The following TUBB8 variants were observed in gnomAD, a reference collection of about 807,000 sequenced individuals.
TUBB8 encodes tubulin beta 8 class VIII.
A neutral mutation model predicts 33.7 loss-of-function variants in TUBB8; 25 were observed. The ratio of observed to expected loss-of-function variants is 0.74; its 90% CI spans 0.54 to 1.04. The LOEUF is 1.04. Ranked by LOEUF, TUBB8 falls within the 50% of genes least tolerant of loss-of-function variation. The pLI is 0.00. For synonymous variants in TUBB8, 245 were observed against 240.1 expected (o/e 1.02, Z -0.19); for missense variants, 279 against 608.0 (o/e 0.46, Z 5.69).
upstream of TUBB8, chr10:49,592 G>T (rs111792761): frequency 2.9e-5 from 15 of 524,584 alleles, no homozygotes; most frequent in South Asian, 3.1e-5. Context: ...GTTTCCATAT[G>T]CACGGAGTGC....
chr10:49,142 G>C, intron 1 of TUBB8, 40 bp downstream of exon 1: 4 of 1,546,624 alleles, frequency 2.6e-6, no homozygotes, highest in Non-Finnish European at 3.5e-6. Context: ...CCGGCCACCC[G>C]GCAGGCCCGG....
intron 1 of TUBB8, among the ~76,000 whole-genome samples, chr10:60,380 G>T (rs1255355475): frequency 7.4e-6 from 1 of 135,526 alleles, no homozygotes; most frequent in Admixed American, 7.6e-5. Flanking sequence ...AAATTTACAA[G>T]AAAAAAACAA....
In TUBB8 at chr10:62,845, AGTCTGCT is replaced by A. The variant is rs1312331930; in HGVS notation, c.-846+11117_-846+11123del. 3.3e-5 allele frequency among the ~76,000 whole-genome samples: 5 copies of A among 152,310 alleles called. No homozygotes were observed. The East Asian group carries it at 7.7e-4, about 24-fold the overall frequency. On this transcript the variant is annotated intron_variant, in intron 1 of 3. Coordinates refer to the TUBB8 transcript ENST00000564130. ...TCAGCCTGTAAATTTTCCCCTGAAA[AGTCTGCT>A]GTCAGATGTATTGGAGTTCCACTGA... is the stretch of plus-strand genomic sequence containing the variant.
chr10:65,335 C>T (rs1663730770), intron 1 of TUBB8, among the ~76,000 whole-genome samples: 1 of 152,238 alleles, frequency 6.6e-6, no homozygotes, highest in African/African-American at 2.4e-5. Context: ...AACCCATACC[C>T]AATCCCATCC....
chr10:46,777 T>C, downstream of TUBB8: 1 of 415,902 alleles, frequency 2.4e-6, no homozygotes, highest in Non-Finnish European at 4.4e-6. Context: ...GCCACTGGAA[T>C]GCTTGTTCCT....
chr10:65,065 T>G (rs1393850018), intron 1 of TUBB8, among the ~76,000 whole-genome samples: 6 of 151,962 alleles, frequency 3.9e-5, no homozygotes, highest in African/African-American at 1.4e-4. Context: ...TAAAAATCAT[T>G]TGAACCCAGG....
chr10:52,424 G>T (rs1834480205), upstream of TUBB8, among the ~76,000 whole-genome samples: 1 of 152,180 alleles, frequency 6.6e-6, no homozygotes. Context: ...AAAATTTGAG[G>T]TGAGTCAGAG....
At chr10:67,902 TG>T (rs1202937201) in intron 1 of TUBB8, among the ~76,000 whole-genome samples, 5 of 152,228 alleles carry the variant, frequency 3.3e-5, no homozygotes, top group African/African-American at 1.2e-4. Flanking sequence ...CTAGAGTAAC[TG>T]GAACTACATA....
At chr10:61,618 G>C (rs1288985990) in intron 1 of TUBB8, among the ~76,000 whole-genome samples, 1 of 152,220 alleles carries the variant, frequency 6.6e-6, no homozygotes, top group African/African-American at 2.4e-5. Context: ...AGGTTCATTT[G>C]TTATACAGTG....
At chr10:50,524 G>A (rs1278298100), upstream of TUBB8, among the ~76,000 whole-genome samples, 2 of 152,060 alleles carry the variant, frequency 1.3e-5, no homozygotes, top group Non-Finnish European at 2.9e-5. Flanking sequence ...CCTTTTACAT[G>A]GTCAGTCTCT....
intron 1 of TUBB8, among the ~76,000 whole-genome samples, chr10:56,785 T>C (rs1184579815): frequency 5.3e-5 from 8 of 152,160 alleles, no homozygotes; most frequent in Non-Finnish European, 1.0e-4. Context: ...AACTATATCA[T>C]TTTGCCCCTG....
chr10:47,201 C>T lies in TUBB8; in HGVS notation c.1191G>A (p.Trp397Ter). 1.2e-6 allele frequency: 2 copies of T among 1,612,684 alleles called. No homozygotes were observed. The highest frequency in any genetic ancestry group is 8.5e-7 in the Non-Finnish European group (1 of 1,179,714). Reference sequence around the variant, plus strand: ...TCTCATCCATGCCCTCGCCCGTGTACCAGTGGAGGAAGGCCTTGCGCCTGA... The same window carrying T: ...TCTCATCCATGCCCTCGCCCGTGTATCAGTGGAGGAAGGCCTTGCGCCTGA... Reference protein sequence around the residue: ...AMFRRKAFLHWYTGEGMDEME... With the variant: ...AMFRRKAFLH The change falls in exon 4 of 4, where the codon TGG (tryptophan) becomes TGA (stop). Residue 397 changes from tryptophan (W) to a stop codon, truncating the protein, a stop_gained. Transcript: ENST00000568584. LOFTEE classifies it high-confidence loss of function.
intron 1 of TUBB8, among the ~76,000 whole-genome samples, chr10:62,258 G>A (rs1554740983): frequency 1.3e-5 from 2 of 152,050 alleles, no homozygotes; most frequent in African/African-American, 4.8e-5. Flanking sequence ...GTACATCTGT[G>A]GTATGCTTTT....
rs1554737946 is a variant in TUBB8 at position 47,067 on chromosome 10, T to A, written c.1325A>T (p.Glu442Val). Residue 442 changes from glutamate (E) to valine (V), a missense_variant, in exon 4 of 4, where the codon GAG (glutamate) becomes GTG (valine). By Grantham distance (121) the Glu-to-Val change is moderately radical (BLOSUM62 -2). This residue lies in a region of TUBB8 where 123 missense variants were observed against 228.9 expected (regional missense o/e 0.54). Coordinates refer to ENST00000568584, the MANE Select transcript of TUBB8 (RefSeq NM_177987.3). ...TAGAAAAGGAGAGTTCTAGGCCACC[T>A]CCTCCTCGGCATACTCCTCATCCTC... ...EEEDEEYAEE[E>V]VA The A allele has an allele frequency of 8.6e-7, 1 of 1,157,396 alleles. No homozygotes were observed. The highest frequency in any genetic ancestry group is 1.3e-6 in the Non-Finnish European group (1 of 786,410). 71.7% of individuals were successfully genotyped at this position (1,157,396 alleles called of 1,614,324 possible).
intron 1 of TUBB8, among the ~76,000 whole-genome samples, chr10:58,679 T>G (rs1554740477): frequency 6.6e-6 from 1 of 152,194 alleles, no homozygotes; most frequent in African/African-American, 2.4e-5. Flanking sequence ...ACTCACTCAC[T>G]ATCATGAAGA....
chr10:73,014 T>G (rs1346084005), intron 1 of TUBB8, among the ~76,000 whole-genome samples: 1 of 152,218 alleles, frequency 6.6e-6, no homozygotes, highest in Non-Finnish European at 1.5e-5. Context: ...TTCAATTAAT[T>G]TTATGGTATC....
At chr10:56,991 G>C (rs1447040351) in intron 1 of TUBB8, among the ~76,000 whole-genome samples, 1 of 152,102 alleles carries the variant, frequency 6.6e-6, no homozygotes, top group East Asian at 1.9e-4. Context: ...TGGGGCATAG[G>C]CATTGGGTAA....
chr10:55,189 T>C (rs1215619583), intron 1 of TUBB8, among the ~76,000 whole-genome samples: 1 of 152,140 alleles, frequency 6.6e-6, no homozygotes, highest in Non-Finnish European at 1.5e-5. Flanking sequence ...CGAGAGAGCA[T>C]ATATGTGAAG....
upstream of TUBB8, chr10:49,794 G>A (rs1588273548): frequency 2.9e-6 from 1 of 350,144 alleles, no homozygotes; most frequent in South Asian, 2.2e-5. Context: ...TGATTTAGCT[G>A]GAGTCTTCTT....
Sources: allele counts gnomAD v4.1 joint callset (sites outside exome capture counted in the v4.1 genomes callset), GRCh38; gene constraint gnomAD v4.1.1; regional missense constraint gnomAD v4.1.1; transcripts MANE v1.5; gene names NCBI Gene and HGNC (gene_info 2026-07-23, HGNC 2026-07-21).